Variants in PLXNA4 observed in about 807,000 individuals in gnomAD.
PLXNA4 encodes the protein plexin A4.
A neutral mutation model predicts 191.8 loss-of-function variants in PLXNA4; 44 were observed. The observed-to-expected ratio is 0.23, with a 90% CI of 0.18 to 0.29. PLXNA4 has a LOEUF of 0.29. PLXNA4 is among the 10% of genes least tolerant of loss of function. PLXNA4 has a pLI of 1.00. For missense variants in PLXNA4, 1,800 were observed against 2,488.8 expected (o/e 0.72, Z 5.89); for synonymous variants, 1,082 against 1,009.5 (o/e 1.07, Z -1.36).
chr7:132,182,438 C>A (rs1015200918), intron 16 of PLXNA4, among the ~76,000 whole-genome samples: 6 of 152,050 alleles, frequency 3.9e-5, no homozygotes, highest in African/African-American at 1.4e-4. Context: ...GTATGGACCC[C>A]CGTGGAGGCC....
At chr7:132,181,768 C>A in intron 17 of PLXNA4, 148 bp from the exon 18 acceptor site, 1 of 1,418,686 alleles carries the variant, frequency 7.0e-7, no homozygotes, top group East Asian at 2.5e-5. Flanking sequence ...CAATTGGGCA[C>A]TCAAGGAATA....
chr7:132,580,393 G>A (rs1802380388), upstream of PLXNA4, among the ~76,000 whole-genome samples: 1 of 152,072 alleles, frequency 6.6e-6, no homozygotes, highest in African/African-American at 2.4e-5. Flanking sequence ...GACACAAGTA[G>A]GACCATCTAG....
intron 3 of PLXNA4, among the ~76,000 whole-genome samples, chr7:132,450,425 G>C (rs1237122050): frequency 6.6e-6 from 1 of 152,190 alleles, no homozygotes; most frequent in Admixed American, 6.5e-5. Flanking sequence ...GTGTACTGGG[G>C]TGATGTCTTC....
chr7:132,598,892 T>C (rs149953138), intron 2 of PLXNA4, among the ~76,000 whole-genome samples: 44 of 152,352 alleles, frequency 2.9e-4, no homozygotes, highest in Non-Finnish European at 3.8e-4. Context: ...TCTTTTAACC[T>C]TATAGTTTAG....
chr7:132,191,314 G>A (rs1197414809), intron 14 of PLXNA4, among the ~76,000 whole-genome samples: 1 of 152,218 alleles, frequency 6.6e-6, no homozygotes, highest in African/African-American at 2.4e-5. Flanking sequence ...CAGGAATGAA[G>A]GGATGCTGAG....
chr7:132,530,297 AT>A (rs1417635686), intron 1 of PLXNA4, among the ~76,000 whole-genome samples: 1 of 152,230 alleles, frequency 6.6e-6, no homozygotes. Context: ...ACAAAACTGT[AT>A]TTAAAAATAG....
At chr7:132,311,593 G>A (rs113923168) in intron 3 of PLXNA4, among the ~76,000 whole-genome samples, 3 of 152,232 alleles carry the variant, frequency 2.0e-5, no homozygotes, top group African/African-American at 7.2e-5. Context: ...ACAATTACTA[G>A]AGCTTCTTTG....
At chr7:132,273,323 A>AACAC (rs749633900) in intron 4 of PLXNA4, among the ~76,000 whole-genome samples, 6 of 149,620 alleles carry the variant, frequency 4.0e-5, no homozygotes, top group African/African-American at 7.5e-5. Flanking sequence ...ATTGGTTTTC[A>AACAC]ACACACACAC....
At chr7:132,493,697 G>C (rs1797891555) in intron 2 of PLXNA4, among the ~76,000 whole-genome samples, 1 of 151,464 alleles carries the variant, frequency 6.6e-6, no homozygotes, top group Admixed American at 6.6e-5. Flanking sequence ...ATGGATGGAT[G>C]GATAGGTGGA....
At position 132,644,903 on chromosome 7, in the gene PLXNA4, C is replaced by A. The variant is rs186180872; in HGVS notation, c.-87+1025G>T. Among the ~76,000 whole-genome samples the A allele has an allele frequency of 1.7e-3, 262 of 152,298 alleles. 2 individuals are homozygous for A. Among genetic ancestry groups the A allele is most frequent in the Non-Finnish European group, 3.0e-3 (201 of 68,028 alleles). ...TCATACTTCCCAAACCAACTGCCAA[C>A]CCTGTGTGCCCAGCTCAGGTACAGG... On this transcript the variant is annotated intron_variant, in intron 2 of 4. Transcript: ENST00000378539.
At chr7:132,597,515 A>G (rs1248810417) in intron 2 of PLXNA4, among the ~76,000 whole-genome samples, 1 of 152,144 alleles carries the variant, frequency 6.6e-6, no homozygotes, top group African/African-American at 2.4e-5. Flanking sequence ...TAGGCCAGAG[A>G]ATTGAGTCAA....
At chr7:132,247,334 C>T (rs1348591652) in intron 4 of PLXNA4, among the ~76,000 whole-genome samples, 2 of 152,110 alleles carry the variant, frequency 1.3e-5, no homozygotes, top group Non-Finnish European at 2.9e-5. Context: ...TACACTGAGC[C>T]TGATGGTTGG....
chr7:132,598,698 G>C (rs1416587880), intron 2 of PLXNA4, among the ~76,000 whole-genome samples: 1 of 150,304 alleles, frequency 6.7e-6, no homozygotes, highest in Non-Finnish European at 1.5e-5. Context: ...GTCAGTTTTA[G>C]ACACAGTAAA....
At chr7:132,563,163 C>T (rs1801401897) in intron 1 of PLXNA4, among the ~76,000 whole-genome samples, 1 of 90,030 alleles carries the variant, frequency 1.1e-5, no homozygotes, top group Non-Finnish European at 2.5e-5. Flanking sequence ...TCTCCTCCTC[C>T]TCCTTCTCCT....
intron 2 of PLXNA4, among the ~76,000 whole-genome samples, chr7:132,637,592 C>T (rs1803633327): frequency 6.6e-6 from 1 of 152,264 alleles, no homozygotes; most frequent in Non-Finnish European, 1.5e-5. Flanking sequence ...TTCTGGAAGA[C>T]TGAAAGAAGC....
At chr7:132,455,667 C>T (rs751330031) in intron 3 of PLXNA4, among the ~76,000 whole-genome samples, 17 of 152,116 alleles carry the variant, frequency 1.1e-4, no homozygotes, top group Non-Finnish European at 1.2e-4. Flanking sequence ...TTCTGGGCTT[C>T]GAAATTGTGC....
At chr7:132,313,965 C>CA (rs1395807603) in intron 3 of PLXNA4, among the ~76,000 whole-genome samples, 1 of 152,160 alleles carries the variant, frequency 6.6e-6, no homozygotes, top group Non-Finnish European at 1.5e-5. Context: ...ACGTTGCCCC[C>CA]AGACACTACA....
intron 10 of PLXNA4, among the ~76,000 whole-genome samples, chr7:132,208,808 G>A (rs1387970299): frequency 6.6e-6 from 1 of 152,200 alleles, no homozygotes; most frequent in Non-Finnish European, 1.5e-5. Context: ...CATGGTGCCA[G>A]CTCCAGGTAC....
At chr7:132,467,844 G>A (rs889182271) in intron 3 of PLXNA4, among the ~76,000 whole-genome samples, 7 of 152,184 alleles carry the variant, frequency 4.6e-5, no homozygotes, top group South Asian at 4.1e-4. Context: ...CAGCACTACC[G>A]AGGAACACAC....
Sources: gnomAD v4.1 joint callset for allele counts (sites outside exome capture counted in the v4.1 genomes callset) on GRCh38, gnomAD v4.1.1 for gene constraint, MANE v1.5 for transcripts, NCBI Gene and HGNC (gene_info 2026-07-23, HGNC 2026-07-21) for gene names.